Variants in ACSM1 observed in about 807,000 individuals in gnomAD.
The protein encoded by ACSM1 is acyl-CoA synthetase medium chain family member 1.
Under a neutral mutation model 75.8 loss-of-function variants are expected in ACSM1, and 79 were observed. The ratio of observed to expected loss-of-function variants is 1.04; its 90% CI spans 0.87 to 1.26. The LOEUF (loss-of-function observed/expected upper bound fraction) is 1.26. Ranked by LOEUF, ACSM1 falls within the 50% of genes most tolerant of loss-of-function variation. The pLI is 0.00. For missense variants in ACSM1, 676 were observed against 720.1 expected (o/e 0.94, Z 0.70); for synonymous variants, 279 against 265.8 (o/e 1.05, Z -0.48).
chr16:20,671,715 G>C lies in ACSM1; in HGVS notation c.612-44C>G, dbSNP rs187239744. On this transcript the variant is annotated intron_variant, in intron 4 of 13. Transcript: ENST00000520010. ...CAAAAGGAAAAAAGTCATGATTGCT[G>C]TTTCTTCATCTTCTGGGAATGCAAA... The C allele has an allele frequency of 2.1e-6, 3 of 1,458,868 alleles. No individual in the cohort carries two copies. The East Asian group carries it at 7.4e-5, about 36-fold the overall frequency. The allele number at this position is 1,458,868 out of a possible 1,614,324, so 90.4% of individuals were successfully genotyped here. A position where few individuals can be genotyped will look rare whatever the true frequency, so the allele number is the denominator to read the frequency against.
intron 7 of ACSM1, among the ~76,000 whole-genome samples, chr16:20,652,627 C>T (rs973904088): frequency 6.6e-6 from 1 of 152,140 alleles, no homozygotes; most frequent in Non-Finnish European, 1.5e-5. Context: ...ATAAACACCT[C>T]TACACAAATA....
At position 20,645,906 on chromosome 16, in the gene ACSM1, A is replaced by T. The variant is rs766471552; in HGVS notation, c.993-5322T>A. Among the ~76,000 whole-genome samples the T allele has an allele frequency of 3.5e-4, 54 of 152,232 alleles. 1 individual carries two copies. Among genetic ancestry groups the T allele is most frequent in the Non-Finnish European group, 4.4e-4 (30 of 68,040 alleles). On this transcript the variant is annotated intron_variant, in intron 7 of 13. Coordinates refer to ENST00000520010, the MANE Select transcript of ACSM1 (RefSeq NM_001318890.3). ...CTCTTCTGGAGAGACAAAGGGAGGC[A>T]TTGAGGAAGCATACCTCTCTGTCAC...
chr16:20,682,284 C>T lies in ACSM1; in HGVS notation c.583G>A (p.Gly195Arg). Residue 195 changes from glycine to arginine, a missense_variant, in exon 4 of 14, where the codon GGG (glycine) becomes AGG (arginine). By Grantham distance (125) the Gly-to-Arg change is moderately radical (BLOSUM62 -2). Coordinates refer to ENST00000520010, the MANE Select transcript of ACSM1 (RefSeq NM_001318890.3). ...KLLVSDHSRE[G>R]WLDFRSLVKS... Reference sequence around the variant, plus strand: ...ACCAGCGATCGGAAGTCCAGCCACCCTTCACGGCTGTGATCAGACACCAGG... The same window carrying T: ...ACCAGCGATCGGAAGTCCAGCCACCTTTCACGGCTGTGATCAGACACCAGG... 1 of 1,613,532 alleles carries T rather than the reference C, an allele frequency of 6.2e-7. No individual in the cohort carries two copies.
At chr16:20,658,453 T>C (rs1458387837) in intron 7 of ACSM1, among the ~76,000 whole-genome samples, 2 of 150,358 alleles carry the variant, frequency 1.3e-5, no homozygotes, top group Non-Finnish European at 3.0e-5. Context: ...TTTGATGGGG[T>C]TGTTCTTTTT....
intron 5 of ACSM1, among the ~76,000 whole-genome samples, chr16:20,670,903 A>T (rs2019859574): frequency 6.6e-6 from 1 of 152,212 alleles, no homozygotes; most frequent in Non-Finnish European, 1.5e-5. Flanking sequence ...ATGTTAATAC[A>T]TTAAAAAATA....
chr16:20,693,567 TATAATAGACAATAGA>T (rs1198835466), intron 1 of ACSM1, among the ~76,000 whole-genome samples: 2 of 152,338 alleles, frequency 1.3e-5, no homozygotes, highest in East Asian at 3.9e-4. Context: ...AACAGACCCA[TATAATAGACAATAGA>T]ACTAGTAATG....
intron 10 of ACSM1, among the ~76,000 whole-genome samples, chr16:20,632,190 G>C (rs2017392419): frequency 6.6e-6 from 1 of 152,170 alleles, no homozygotes; most frequent in Admixed American, 6.5e-5. Flanking sequence ...AGAATAAGAA[G>C]AGCAAACTAA....
rs55913255 is a variant in ACSM1, at chr16:20,671,440, GACACAC to G, written c.752+85_752+90del. On this transcript the variant is annotated intron_variant, in intron 5 of 13. Coordinates refer to ENST00000520010, the MANE Select transcript of ACSM1 (RefSeq NM_001318890.3). ...CTTCTACTTCCAGTTCCTTTCCCAAGACACACACACACACACACACACACACACACA... is the reference window on the plus strand; with the variant it reads ...CTTCTACTTCCAGTTCCTTTCCCAAGACACACACACACACACACACACACA... The G allele has an allele frequency of 7.3e-3, 7,082 of 965,310 alleles. 47 individuals are homozygous for G. Among genetic ancestry groups the G allele is most frequent in the African/African-American group, 0.036 (1,986 of 55,260 alleles). 59.8% of individuals were successfully genotyped at this position (965,310 alleles called of 1,614,324 possible). A position where few individuals can be genotyped will look rare whatever the true frequency, so the allele number is the denominator to read the frequency against.
chr16:20,662,028 CAT>C (rs2019327867), intron 6 of ACSM1, among the ~76,000 whole-genome samples, 155 bp from the exon 7 acceptor site: 9 of 152,194 alleles, frequency 5.9e-5, no homozygotes, highest in African/African-American at 2.2e-4. Flanking sequence ...GGATTTCATA[CAT>C]GGTATGCATC....
chr16:20,656,895 T>C (rs1241711127), intron 7 of ACSM1, among the ~76,000 whole-genome samples: 1 of 125,272 alleles, frequency 8.0e-6, no homozygotes, highest in East Asian at 4.1e-4. Flanking sequence ...AAGAAGAGGT[T>C]ACAAAAAAAA....
At chr16:20,656,129 G>A (rs1350962821) in intron 7 of ACSM1, among the ~76,000 whole-genome samples, 1 of 152,062 alleles carries the variant, frequency 6.6e-6, no homozygotes, top group African/African-American at 2.4e-5. Context: ...TATAAAGTAA[G>A]GGAGAAAAAT....
intron 7 of ACSM1, among the ~76,000 whole-genome samples, chr16:20,655,773 C>T (rs1399865720): frequency 2.0e-5 from 3 of 152,142 alleles, no homozygotes; most frequent in African/African-American, 7.2e-5. Context: ...AGCAATTCTC[C>T]TGCCTCAGCC....
chr16:20,650,667 GAA>G (rs111779003), intron 7 of ACSM1, among the ~76,000 whole-genome samples: 13 of 125,896 alleles, frequency 1.0e-4, no homozygotes, highest in East Asian at 4.6e-4. Flanking sequence ...CTCCTCTTAA[GAA>G]AAAAAAAAAA....
intron 7 of ACSM1, among the ~76,000 whole-genome samples, chr16:20,654,076 A>C (rs231925): frequency 0.08 from 12,152 of 152,254 alleles, 635 homozygotes; most frequent in East Asian, 0.21. Context: ...AATGGAACAG[A>C]ATACAGCCCT....
intron 7 of ACSM1, among the ~76,000 whole-genome samples, chr16:20,657,974 A>G (rs1384816118): frequency 6.6e-6 from 1 of 152,132 alleles, no homozygotes; most frequent in Non-Finnish European, 1.5e-5. Flanking sequence ...TCCATGGTGT[A>G]TATGTGCCAC....
At chr16:20,686,221 T>A (rs1596956393) in intron 2 of ACSM1, among the ~76,000 whole-genome samples, 2 of 152,272 alleles carry the variant, frequency 1.3e-5, no homozygotes, top group East Asian at 3.9e-4. Context: ...AAAATTTTTT[T>A]AATTAAGTTA....
intron 3 of ACSM1, among the ~76,000 whole-genome samples, chr16:20,683,125 T>C (rs2152312993): frequency 6.6e-6 from 1 of 150,974 alleles, no homozygotes; most frequent in Admixed American, 6.6e-5. Flanking sequence ...TTTATTTATT[T>C]ATTTTTTTTT....
chr16:20,678,090 C>G (rs1240550264), intron 4 of ACSM1, among the ~76,000 whole-genome samples: 5 of 152,026 alleles, frequency 3.3e-5, no homozygotes, highest in Admixed American at 6.5e-5. Flanking sequence ...AAAGAAGAAG[C>G]CTTAGCTATG....
chr16:20,630,558 A>G (rs185254489), intron 10 of ACSM1, among the ~76,000 whole-genome samples: 1 of 152,348 alleles, frequency 6.6e-6, no homozygotes, highest in East Asian at 1.9e-4. Flanking sequence ...AGAACTGTAC[A>G]GTTCTACAGC....
Sources: gnomAD v4.1 joint callset for allele counts (sites outside exome capture counted in the v4.1 genomes callset) on GRCh38, gnomAD v4.1.1 for gene constraint, MANE v1.5 for transcripts, NCBI Gene and HGNC (gene_info 2026-07-23, HGNC 2026-07-21) for gene names.